Variants in TENM2 observed in about 807,000 individuals in gnomAD.
TENM2 encodes the protein teneurin-2.
In TENM2, 52 loss-of-function variants were observed where a neutral mutation model predicts 245.2. That is an observed-to-expected ratio of 0.21 (90% CI 0.17 to 0.27). The LOEUF (loss-of-function observed/expected upper bound fraction) is 0.27, where lower values mean the gene tolerates loss of function less well. TENM2 is among the 10% of genes least tolerant of loss of function. TENM2 has a pLI of 1.00. For missense variants in TENM2, 3,046 were observed against 3,666.8 expected (o/e 0.83, Z 4.37); for synonymous variants, 1,363 against 1,438.9 (o/e 0.95, Z 1.19).
intron 2 of TENM2, among the ~76,000 whole-genome samples, chr5:167,761,450 A>C (rs1271995330): frequency 6.6e-6 from 1 of 152,112 alleles, no homozygotes; most frequent in African/African-American, 2.4e-5. Context: ...TTCAACCTCT[A>C]AAAAAGACCC....
In TENM2 at chr5:168,247,822, G is replaced by C; in HGVS notation, c.6883G>C (p.Gly2295Arg). 1 of 1,613,980 alleles carries C rather than the reference G, an allele frequency of 6.2e-7. No individual in the cohort carries two copies. Among genetic ancestry groups the C allele is most frequent in the Non-Finnish European group, 8.5e-7 (1 of 1,179,892 alleles). ...AACAAGAGCCTACAACAAGGCCAGCGGGTGGAGTGTCCAGTACCGCTATGA... is the reference window on the plus strand; with the variant it reads ...AACAAGAGCCTACAACAAGGCCAGCCGGTGGAGTGTCCAGTACCGCTATGA... The change falls in exon 27 of 29, where the codon GGG (glycine) becomes CGG (arginine). Residue 2295 changes from glycine to arginine, a missense_variant. Gly to Arg is a moderately radical substitution (Grantham distance 125). Transcript: ENST00000518659. This position sits in a 1 kb window ranked among gnomAD's most constrained non-coding sequence, Gnocchi z 7.8.
At chr5:167,245,279 G>A in the TENM2 span, among the ~76,000 whole-genome samples, 1 of 152,146 alleles carries the variant, frequency 6.6e-6, no homozygotes. Context: ...CCCAGACAAA[G>A]GGTGCACGGT....
chr5:168,143,126 G>A (rs1755699794), intron 12 of TENM2, among the ~76,000 whole-genome samples: 1 of 152,112 alleles, frequency 6.6e-6, no homozygotes, highest in South Asian at 2.1e-4. Flanking sequence ...GTAAATAAAG[G>A]GTTTCTCTTG....
intron 13 of TENM2, among the ~76,000 whole-genome samples, chr5:168,183,895 G>C (rs1005854602): frequency 1.3e-5 from 2 of 152,024 alleles, no homozygotes; most frequent in Non-Finnish European, 2.9e-5. Flanking sequence ...AGGTGACAAG[G>C]TGCTCACAAC....
rs372510642 is a variant in TENM2 at position 168,105,170 on chromosome 5, T to G, written c.1813+7043T>G. Among the ~76,000 whole-genome samples the G allele has an allele frequency of 3.3e-5, 5 of 152,334 alleles. No homozygotes were observed. In the South Asian group the frequency reaches 1.0e-3, roughly 32 times the overall value. On this transcript the variant is annotated intron_variant, in intron 9 of 28. Coordinates refer to ENST00000518659, the Ensembl canonical transcript of TENM2. The stretch of plus-strand genomic sequence containing the variant: ...TGGTGTCTTTAAGGATCACTCCAAC[T>G]GTGGAACTCACGCTGGGAGAGGCAT...
At chr5:167,352,740 A>G (rs1281607453) in intron 1 of TENM2, among the ~76,000 whole-genome samples, 1 of 152,234 alleles carries the variant, frequency 6.6e-6, no homozygotes, top group Non-Finnish European at 1.5e-5. Context: ...TGTAGCTAAT[A>G]ACGTCTTTGT....
chr5:167,164,540 T>C, the TENM2 span, among the ~76,000 whole-genome samples: 2 of 152,218 alleles, frequency 1.3e-5, no homozygotes, highest in African/African-American at 4.8e-5. Context: ...AATATGAGGG[T>C]AAGCACCATA....
chr5:167,043,710 G>A, the TENM2 span, among the ~76,000 whole-genome samples: 95,459 of 152,038 alleles, frequency 0.63, 32,041 homozygotes, highest in African/African-American at 0.88. Flanking sequence ...TCTGATTTGT[G>A]TTTTAGAAAT....
At chr5:167,102,889 A>G in the TENM2 span, among the ~76,000 whole-genome samples, 8 of 152,240 alleles carry the variant, frequency 5.3e-5, no homozygotes, top group East Asian at 1.5e-3. Context: ...CAAACTCTTG[A>G]CCTCAAGTGA....
chr5:167,237,132 T>C, the TENM2 span, among the ~76,000 whole-genome samples: 1 of 152,164 alleles, frequency 6.6e-6, no homozygotes, highest in Non-Finnish European at 1.5e-5. Flanking sequence ...GACCATAAAC[T>C]CTATAGCAGT....
At chr5:167,540,835 G>A (rs1327304014) in intron 2 of TENM2, among the ~76,000 whole-genome samples, 1 of 152,134 alleles carries the variant, frequency 6.6e-6, no homozygotes, top group African/African-American at 2.4e-5. Flanking sequence ...TTAAAGAGTT[G>A]AATGGGATTA....
At position 168,218,322 on chromosome 5, in the gene TENM2, C is replaced by A. The variant is rs764711230; in HGVS notation, c.4431C>A (p.Ala1477=). 1 of 1,614,012 alleles carries A rather than the reference C, an allele frequency of 6.2e-7. No individual in the cohort carries two copies. Among genetic ancestry groups the A allele is most frequent in the South Asian group, 1.1e-5 (1 of 91,080 alleles). ...CCATTCACTCTGCCCTGGAGTCAGC[C>A]AGTGCCATTGCCATTTCTCACACTG... The change falls in exon 23 of 29, where the codon GCC becomes GCA. Residue 1477 remains alanine, a synonymous_variant. Transcript: ENST00000518659. This position sits in a 1 kb window ranked among gnomAD's most constrained non-coding sequence, Gnocchi z 5.2.
chr5:168,009,225 G>A (rs972161359), intron 5 of TENM2, among the ~76,000 whole-genome samples: 15 of 152,178 alleles, frequency 9.9e-5, no homozygotes, highest in African/African-American at 2.4e-4. Context: ...AGTCTATACC[G>A]TTGCCCTTTT....
At chr5:167,183,849 C>CTATGATTAAAT in the TENM2 span, among the ~76,000 whole-genome samples, 1 of 152,048 alleles carries the variant, frequency 6.6e-6, no homozygotes, top group African/African-American at 2.4e-5. Flanking sequence ...TGGAAATGTA[C>CTATGATTAAAT]CAATATGATT....
At chr5:167,071,883 C>CG in the TENM2 span, among the ~76,000 whole-genome samples, 2 of 142,302 alleles carry the variant, frequency 1.4e-5, no homozygotes, top group African/African-American at 5.0e-5. Context: ...AAATCGCCCC[C>CG]CCCCGCCCCC....
intron 2 of TENM2, among the ~76,000 whole-genome samples, chr5:167,561,492 A>G (rs1443718733): frequency 2.0e-5 from 3 of 152,238 alleles, no homozygotes; most frequent in Non-Finnish European, 4.4e-5. Context: ...AGACAGTGTA[A>G]CTGTGGTCCG....
rs79619218 is a variant in TENM2 at position 168,191,630 on chromosome 5, T to C, written c.2780+1083T>C. On this transcript the variant is annotated intron_variant, in intron 14 of 28. Transcript: ENST00000518659. ...AGCCCTGACGACCCCCATTGTGCCA[T>C]CTTTGTCTTATTTCTCTTTAGCCTC... Among the ~76,000 whole-genome samples the C allele has an allele frequency of 5.2e-3, 781 of 151,594 alleles. 2 individuals are homozygous for C. Among genetic ancestry groups the C allele is most frequent in the African/African-American group, 0.018 (749 of 40,910 alleles).
At chr5:167,352,975 AC>A (rs1197605725) in intron 1 of TENM2, among the ~76,000 whole-genome samples, 1 of 152,146 alleles carries the variant, frequency 6.6e-6, no homozygotes, top group African/African-American at 2.4e-5. Flanking sequence ...CGTCAATCAA[AC>A]CCCACTTCAG....
intron 2 of TENM2, among the ~76,000 whole-genome samples, chr5:167,861,960 G>A (rs1771855400): frequency 6.6e-6 from 1 of 152,180 alleles, no homozygotes; most frequent in African/African-American, 2.4e-5. Flanking sequence ...TCTCCTGCCT[G>A]CATAATATAT....
Sources: gnomAD v4.1 joint callset for allele counts (sites outside exome capture counted in the v4.1 genomes callset) on GRCh38, gnomAD v4.1.1 for gene constraint, Gnocchi (gnomAD v3.1) non-coding constraint, MANE v1.5 for transcripts, NCBI Gene and HGNC (gene_info 2026-07-23, HGNC 2026-07-21) for gene names.